TTC17: variants seen among roughly 807,000 people sequenced by gnomAD.
TTC17 encodes tetratricopeptide repeat domain 17, also known as tetratricopeptide repeat protein 17.
A neutral mutation model predicts 143.8 loss-of-function variants in TTC17; 58 were observed. The observed-to-expected ratio is 0.40, with a 90% confidence interval of 0.33 to 0.50. TTC17 has a LOEUF of 0.50. Among genes scored for constraint, TTC17 ranks in the 20% least tolerant of loss-of-function variants. The pLI is 0.49. For missense variants in TTC17, 1,273 were observed against 1,392.5 expected, an observed-to-expected ratio of 0.91 and a Z score of 1.37; for synonymous variants, 501 against 497.8, an observed-to-expected ratio of 1.01 and a Z score of -0.09.
At chr11:43,369,247 G>T (rs1245462289) in intron 1 of TTC17, among the ~76,000 whole-genome samples, 1 of 152,188 alleles carries the variant, frequency 6.6e-6, no homozygotes. Context: ...TGTTGAAAAT[G>T]GTTACTAACT....
intron 3 of TTC17, chr11:43,390,212 A>G (rs140747284): frequency 9.2e-4 from 140 of 152,842 alleles, no homozygotes; most frequent in South Asian, 1.8e-3. Context: ...TCAGGAGGCT[A>G]AACTGAGAGG....
chr11:43,462,975 GTGCT>G (rs1947899638), intron 21 of TTC17, among the ~76,000 whole-genome samples: 2 of 138,012 alleles, frequency 1.4e-5, no homozygotes, highest in South Asian at 4.2e-4. Flanking sequence ...AAGTGCAGTG[GTGCT>G]ATCTTGGCTC....
At chr11:43,473,726 T>A (rs1948132023) in intron 21 of TTC17, among the ~76,000 whole-genome samples, 1 of 151,404 alleles carries the variant, frequency 6.6e-6, no homozygotes. Context: ...AATAAAAAAA[T>A]AAAAATAATT....
intron 19 of TTC17, chr11:43,448,654 T>G (rs1346515453): frequency 1.3e-5 from 2 of 152,682 alleles, no homozygotes; most frequent in Non-Finnish European, 2.9e-5. Flanking sequence ...AAAATTCCAA[T>G]CAACACAAAG....
chr11:43,438,606 C>T (rs1298266514), intron 16 of TTC17, among the ~76,000 whole-genome samples: 1 of 152,162 alleles, frequency 6.6e-6, no homozygotes, highest in East Asian at 1.9e-4. Context: ...ACTCTGGCAC[C>T]CATTGATATT....
At chr11:43,396,905 C>A in intron 6 of TTC17, 87 bp downstream of exon 6, 3 of 636,958 alleles carry the variant, frequency 4.7e-6, no homozygotes, top group African/African-American at 1.9e-5. Context: ...TAAGAAGCAA[C>A]ATTGCATTAT....
At chr11:43,402,139 C>T (rs1333482666) in intron 10 of TTC17, among the ~76,000 whole-genome samples, 1 of 151,914 alleles carries the variant, frequency 6.6e-6, no homozygotes, top group Non-Finnish European at 1.5e-5. Context: ...CTTAAAGTAC[C>T]ATCTAAATAT....
intron 1 of TTC17, among the ~76,000 whole-genome samples, chr11:43,366,637 G>T (rs1856355103): frequency 6.6e-6 from 1 of 152,154 alleles, no homozygotes; most frequent in African/African-American, 2.4e-5. Context: ...CCCAGGGAAA[G>T]CTACCTTTAA....
intron 13 of TTC17, among the ~76,000 whole-genome samples, chr11:43,406,718 G>T (rs932292123): frequency 2.0e-5 from 3 of 152,126 alleles, no homozygotes; most frequent in Non-Finnish European, 4.4e-5. Context: ...GTGCCTTAGA[G>T]TTGTTTACCG....
rs1261506610 is a variant in TTC17 at position 43,398,000 on chromosome 11, G to C, written c.945G>C (p.Val315=). 6.2e-7 allele frequency: 1 copy of C among 1,611,412 alleles called. No homozygotes were observed. The highest frequency in any genetic ancestry group is 1.7e-5 in the Admixed American group (1 of 59,742). ...YAMLGEYNHS[V]LCYDHALQAR... ...TGCTTGGGGAATATAACCACTCAGT[G>C]CTCTGTTATGACCACGCTTTGCAGG... is the stretch of plus-strand genomic sequence containing the variant. Residue 315 remains valine, a synonymous_variant, in exon 8 of 24, where the codon GTG becomes GTC. Coordinates refer to ENST00000039989, the MANE Select transcript of TTC17 (RefSeq NM_018259.6).
At chr11:43,483,049 A>G (rs1948316351) in intron 21 of TTC17, among the ~76,000 whole-genome samples, 1 of 152,180 alleles carries the variant, frequency 6.6e-6, no homozygotes, top group African/African-American at 2.4e-5. Flanking sequence ...TAAGAAAAGC[A>G]TATAATTGCA....
At chr11:43,401,705 A>T (rs1857862985) in intron 10 of TTC17, 147 bp downstream of exon 10, 1 of 589,438 alleles carries the variant, frequency 1.7e-6, no homozygotes, top group Non-Finnish European at 2.9e-6. Context: ...GAGGCTGGGC[A>T]CAGTGGCTCA....
intron 16 of TTC17, among the ~76,000 whole-genome samples, chr11:43,415,179 G>C (rs1946748624): frequency 1.3e-5 from 2 of 152,074 alleles, no homozygotes; most frequent in South Asian, 4.1e-4. Flanking sequence ...CTGAAATACA[G>C]CTCCTTGTCT....
intron 16 of TTC17, among the ~76,000 whole-genome samples, chr11:43,417,484 T>A (rs1191032651): frequency 6.6e-6 from 1 of 152,186 alleles, no homozygotes; most frequent in African/African-American, 2.4e-5. Flanking sequence ...GGCTTACGAT[T>A]CTTTTTCCAT....
intron 2 of TTC17, among the ~76,000 whole-genome samples, chr11:43,389,106 A>C (rs1857281770): frequency 6.6e-6 from 1 of 151,004 alleles, no homozygotes; most frequent in Non-Finnish European, 1.5e-5. Flanking sequence ...CCACTGCAGC[A>C]CTCCAACCTG....
At chr11:43,471,837 A>T (rs1228516031) in intron 21 of TTC17, among the ~76,000 whole-genome samples, 2 of 152,228 alleles carry the variant, frequency 1.3e-5, no homozygotes, top group Non-Finnish European at 2.9e-5. Flanking sequence ...TAAACATTTG[A>T]TCAATTTTTA....
chr11:43,400,252 A>G (rs1045717352), intron 9 of TTC17, among the ~76,000 whole-genome samples: 2 of 152,148 alleles, frequency 1.3e-5, no homozygotes, highest in Admixed American at 6.5e-5. Context: ...TCAAATTTAC[A>G]TTTTGAAATA....
At chr11:43,409,156 T>G (rs1858285695) in intron 15 of TTC17, among the ~76,000 whole-genome samples, 1 of 152,228 alleles carries the variant, frequency 6.6e-6, no homozygotes, top group Non-Finnish European at 1.5e-5. Context: ...ACAGGTGATC[T>G]CTAAAAAACT....
intron 1 of TTC17, among the ~76,000 whole-genome samples, chr11:43,371,072 CA>C (rs1431988351): frequency 6.6e-6 from 1 of 151,916 alleles, no homozygotes; most frequent in Non-Finnish European, 1.5e-5. Flanking sequence ...TTTGTCCTCC[CA>C]AAGTGCTAAG....
Sources: allele counts gnomAD v4.1 joint callset (sites outside exome capture counted in the v4.1 genomes callset), GRCh38; gene constraint gnomAD v4.1.1; transcripts MANE v1.5; gene names NCBI Gene and HGNC (gene_info 2026-07-23, HGNC 2026-07-21).